Variants in SOAT2 observed in about 807,000 individuals in gnomAD.
The protein encoded by SOAT2 is sterol O-acyltransferase 2.
Under a neutral mutation model 76.0 loss-of-function variants are expected in SOAT2, and 87 were observed. That is an observed-to-expected ratio of 1.14 (90% CI 0.96 to 1.37). The LOEUF is 1.37. Ranked by LOEUF, SOAT2 falls within the 40% of genes most tolerant of loss-of-function variation. SOAT2 has a pLI of 0.00. For missense variants in SOAT2, 686 were observed against 682.1 expected (o/e 1.01, Z -0.06); for synonymous variants, 285 against 275.4 (o/e 1.03, Z -0.34).
chr12:53,120,870 G>A lies in SOAT2; in HGVS notation c.1124G>A (p.Arg375Lys), dbSNP rs763472145. ...GCCGAGATGCTACGATTTGGAGACA[G>A]GATGTTCTACCGGGTGGGGCCTGGA... is the stretch of plus-strand genomic sequence containing the variant. ...AFAEMLRFGD[R>K]MFYRDWWNST... Residue 375 changes from arginine (R) to lysine (K), a missense_variant, in exon 11 of 15, where the codon AGG becomes AAG. Arg to Lys is a conservative substitution (Grantham distance 26). Transcript: ENST00000301466. The A allele has an allele frequency of 1.7e-5, 27 of 1,613,812 alleles. No homozygotes were observed. Among genetic ancestry groups the A allele is most frequent in the Non-Finnish European group, 2.3e-5 (27 of 1,179,836 alleles).
At chr12:53,107,024 C>T (rs1028956168) in intron 5 of SOAT2, among the ~76,000 whole-genome samples, 4 of 152,152 alleles carry the variant, frequency 2.6e-5, no homozygotes, top group Admixed American at 6.5e-5. Flanking sequence ...TGTTACATTC[C>T]AGCCTTTGTA....
In SOAT2 at chr12:53,116,136, G is replaced by A; in HGVS notation, c.748G>A (p.Ala250Thr). ...GAAAAGCTACTCCTTCCTGAGAGAG[G>A]CTGTGCCTGGGACCCTTCGTGCCAG... ...LMKSYSFLRE[A>T]VPGTLRARRG... Residue 250 changes from alanine (A) to threonine (T), a missense_variant, in exon 7 of 15, where the codon GCT becomes ACT. By Grantham distance (58) the Ala-to-Thr change is moderately conservative. Coordinates refer to ENST00000301466, the MANE Select transcript of SOAT2 (RefSeq NM_003578.4). 1 of 1,614,160 alleles carries A rather than the reference G, an allele frequency of 6.2e-7. No individual in the cohort carries two copies. Among genetic ancestry groups the A allele is most frequent in the Non-Finnish European group, 8.5e-7 (1 of 1,180,004 alleles).
intron 12 of SOAT2, among the ~76,000 whole-genome samples, chr12:53,122,351 T>C (rs1020773769): frequency 3.3e-5 from 5 of 151,422 alleles, no homozygotes; most frequent in Admixed American, 1.3e-4. Context: ...TTTTTTTTTT[T>C]TTTTATTGAT....
intron 13 of SOAT2, 128 bp downstream of exon 13, chr12:53,123,344 G>A (rs1938224161): frequency 1.7e-6 from 2 of 1,209,500 alleles, no homozygotes; most frequent in South Asian, 1.3e-5. Context: ...CTGAGACTGA[G>A]AGGTGGAGTC....
chr12:53,121,429 C>T (rs1271364092), intron 12 of SOAT2, 28 bp downstream of exon 12: 1 of 1,556,324 alleles, frequency 6.4e-7, no homozygotes, highest in Non-Finnish European at 8.9e-7. Flanking sequence ...CCCTTCAGCT[C>T]TCACAGTTAA....
chr12:53,120,319 A>G (rs1262009111), intron 10 of SOAT2, among the ~76,000 whole-genome samples: 2 of 152,074 alleles, frequency 1.3e-5, no homozygotes, highest in Non-Finnish European at 2.9e-5. Context: ...AATACAAAAA[A>G]TTAGCCGGGC....
Position 53,105,988 on chromosome 12 carries a change from G to A in SOAT2, c.417G>A (p.Leu139=). The A allele has an allele frequency of 6.2e-7, 1 of 1,613,956 alleles. No individual in the cohort carries two copies. Among genetic ancestry groups the A allele is most frequent in the Non-Finnish European group, 8.5e-7 (1 of 1,179,890 alleles). The change falls in exon 5 of 15, where the codon CTG becomes CTA. Residue 139 remains leucine (L), a synonymous_variant. Coordinates refer to ENST00000301466, the MANE Select transcript of SOAT2 (RefSeq NM_003578.4). ...TGTGTGTCTTCATCATCAGCACCCT[G>A]GCCATCGACTTCATTGATGAGGGCA... ...AGLCVFIIST[L]AIDFIDEGRL...
At chr12:53,117,745 G>C (rs982284019) in intron 7 of SOAT2, among the ~76,000 whole-genome samples, 1 of 152,068 alleles carries the variant, frequency 6.6e-6, no homozygotes, top group South Asian at 2.1e-4. Flanking sequence ...GAGGTCCAAT[G>C]CCACCGGCAG....
intron 9 of SOAT2, 37 bp downstream of exon 9, chr12:53,118,972 A>T (rs2280696): frequency 0.064 from 103,796 of 1,613,114 alleles, 4,186 homozygotes; most frequent in East Asian, 0.17. Context: ...CCTGTGACTC[A>T]TGGTGGTGGA....
rs765956920 is a variant in SOAT2, at chr12:53,123,847, G to T, written c.1492G>T (p.Ala498Ser). The T allele has an allele frequency of 6.2e-7, 1 of 1,613,990 alleles. No homozygotes were observed. The highest frequency in any genetic ancestry group is 1.3e-5 in the African/African-American group (1 of 74,892). ...QVSLYCQEWY[A>S]RRHCPLPQAT... is the part of the protein sequence containing the mutation. Reference sequence around the variant, plus strand: ...CAGCCTGTACTGCCAGGAGTGGTACGCACGGCGGCACTGCCCCTTACCCCA... The same window carrying T: ...CAGCCTGTACTGCCAGGAGTGGTACTCACGGCGGCACTGCCCCTTACCCCA... Residue 498 changes from alanine (A) to serine (S), a missense_variant, in exon 14 of 15, where the codon GCA becomes TCA. Coordinates refer to ENST00000301466, the MANE Select transcript of SOAT2 (RefSeq NM_003578.4).
intron 5 of SOAT2, among the ~76,000 whole-genome samples, chr12:53,109,204 T>C (rs1320105205): frequency 6.6e-6 from 1 of 152,124 alleles, no homozygotes; most frequent in Non-Finnish European, 1.5e-5. Flanking sequence ...GCCACTGCAC[T>C]CCAGCCTGGG....
intron 1 of SOAT2, 55 bp downstream of exon 1, chr12:53,103,714 G>A: frequency 7.4e-7 from 1 of 1,353,818 alleles, no homozygotes; most frequent in Admixed American, 2.4e-5. Context: ...GAGGCGGGGA[G>A]AGATGCGCTA....
At chr12:53,123,706 A>C (rs1565629836) in intron 13 of SOAT2, 22 bp from the exon 14 acceptor site, 3 of 1,613,966 alleles carry the variant, frequency 1.9e-6, no homozygotes, top group Non-Finnish European at 2.5e-6. Context: ...AGCTGGAATG[A>C]CAACCTTTCC....
At chr12:53,106,198 C>A (rs1428678289) in intron 5 of SOAT2, among the ~76,000 whole-genome samples, 184 bp downstream of exon 5, 1 of 152,254 alleles carries the variant, frequency 6.6e-6, no homozygotes, top group Non-Finnish European at 1.5e-5. Flanking sequence ...CCTTCCCCAG[C>A]CTTGGTTGGC....
At chr12:53,118,529 C>T (rs993640560) in intron 8 of SOAT2, 95 bp downstream of exon 8, 9 of 838,964 alleles carry the variant, frequency 1.1e-5, no homozygotes, top group African/African-American at 3.4e-5. Flanking sequence ...TCACCTCAGG[C>T]ACTGGCCACT....
intron 12 of SOAT2, 118 bp downstream of exon 12, chr12:53,121,519 C>A (rs1007111619): frequency 1.2e-5 from 9 of 771,994 alleles, no homozygotes; most frequent in African/African-American, 1.7e-5. Context: ...GCCTAAGGGC[C>A]GTTTTGATTT....
chr12:53,112,133 A>C (rs1938021868), intron 5 of SOAT2, among the ~76,000 whole-genome samples: 1 of 152,150 alleles, frequency 6.6e-6, no homozygotes. Context: ...TTTCCCAAAG[A>C]CATTTCTATG....
chr12:53,107,622 C>CTTTTTTTTTGTTTTTT (rs1937954549), intron 5 of SOAT2, among the ~76,000 whole-genome samples: 1 of 117,036 alleles, frequency 8.5e-6, no homozygotes, highest in African/African-American at 3.7e-5. Flanking sequence ...AACAGATGTA[C>CTTTTTTTTTGTTTTTT]TTTTTTTTTT....
In SOAT2 at chr12:53,118,425, C is replaced by T; in HGVS notation, c.854C>T (p.Thr285Ile). The T allele has an allele frequency of 6.2e-7, 1 of 1,612,618 alleles. No homozygotes were observed. Among genetic ancestry groups the T allele is most frequent in the Non-Finnish European group, 8.5e-7 (1 of 1,178,732 alleles). ...TGCCCAACACTCATCTACAGGGAGA[C>T]TTACCCTAGGTAAGACCCTGCACTC... ...LFCPTLIYRETYPRTPYVRWN... is the reference protein window; with the variant it reads ...LFCPTLIYREIYPRTPYVRWN... The change falls in exon 8 of 15, where the codon ACT becomes ATT. Residue 285 changes from threonine to isoleucine, a missense_variant. By Grantham distance (89) the Thr-to-Ile change is moderately conservative (BLOSUM62 -1). Coordinates refer to ENST00000301466, the MANE Select transcript of SOAT2 (RefSeq NM_003578.4).
Sources: allele counts gnomAD v4.1 joint callset (sites outside exome capture counted in the v4.1 genomes callset), GRCh38; gene constraint gnomAD v4.1.1; transcripts MANE v1.5; gene names NCBI Gene and HGNC (gene_info 2026-07-23, HGNC 2026-07-21).